ZFHX3: variants seen among roughly 807,000 people sequenced by gnomAD.
The protein encoded by ZFHX3 is zinc finger homeobox protein 3.
A neutral mutation model predicts 279.1 loss-of-function variants in ZFHX3; 42 were observed. That is an observed-to-expected ratio of 0.15 (90% CI 0.12 to 0.19). ZFHX3 has a LOEUF of 0.19. ZFHX3 is among the 10% of genes least tolerant of loss of function. The probability of loss-of-function intolerance (pLI) is 1.00; values close to 1 mark genes in which losing one functional copy is unlikely to be tolerated. For missense variants in ZFHX3, 4,981 were observed against 4,754.0 expected, an observed-to-expected ratio of 1.05 and a Z score of -1.40; for synonymous variants, 2,293 against 1,957.8, an observed-to-expected ratio of 1.17 and a Z score of -4.52.
upstream of ZFHX3, among the ~76,000 whole-genome samples, chr16:73,049,516 TG>T (rs1207266385): frequency 1.3e-5 from 2 of 152,254 alleles, no homozygotes; most frequent in Admixed American, 1.3e-4. Context: ...TTCAGATTAA[TG>T]TAAGTATCTA....
At chr16:73,563,250 T>G (rs1434714573) in intron 2 of ZFHX3, among the ~76,000 whole-genome samples, 14 of 150,726 alleles carry the variant, frequency 9.3e-5, no homozygotes, top group East Asian at 2.0e-4. Flanking sequence ...TTTTGTTTTT[T>G]TTTTTGAGAG....
At position 72,926,663 on chromosome 16, in the gene ZFHX3, A is replaced by G. The variant is rs149472465; in HGVS notation, c.3216+23806T>C. On this transcript the variant is annotated intron_variant, in intron 3 of 9. Transcript: ENST00000268489. ...TAGGTCCCGACCACCCATGGGCATC[A>G]AAGATCCCATGACATTTCTGTAAAT... 6.7e-3 allele frequency among the ~76,000 whole-genome samples: 1,024 copies of G among 152,336 alleles called. 9 individuals are homozygous for G. Among genetic ancestry groups the G allele is most frequent in the African/African-American group, 0.02 (827 of 41,574 alleles).
intron 3 of ZFHX3, among the ~76,000 whole-genome samples, chr16:73,357,691 C>T (rs1173554714): frequency 6.6e-6 from 1 of 152,156 alleles, no homozygotes; most frequent in Non-Finnish European, 1.5e-5. Context: ...TCAGGCTGTA[C>T]CTGGCAGGAA....
chr16:73,866,266 G>A (rs1002207303), intron 1 of ZFHX3, among the ~76,000 whole-genome samples: 80 of 135,682 alleles, frequency 5.9e-4, no homozygotes, highest in African/African-American at 1.8e-3. Context: ...TGCAACCTCC[G>A]TCTCCCAGGT....
chr16:72,803,184 T>G (rs1213872019), intron 7 of ZFHX3, among the ~76,000 whole-genome samples: 1 of 152,002 alleles, frequency 6.6e-6, no homozygotes, highest in Non-Finnish European at 1.5e-5. Flanking sequence ...ATACAAAAAT[T>G]AGCCAGGCGT....
chr16:73,135,002 T>G (rs756988070), intron 6 of ZFHX3, among the ~76,000 whole-genome samples: 39 of 152,178 alleles, frequency 2.6e-4, no homozygotes, highest in Non-Finnish European at 4.9e-4. Context: ...GTATCTTTGT[T>G]GCAAACCACT....
At chr16:73,052,558 C>T (rs1317426038), upstream of ZFHX3, among the ~76,000 whole-genome samples, 1 of 152,174 alleles carries the variant, frequency 6.6e-6, no homozygotes, top group African/African-American at 2.4e-5. Flanking sequence ...GAAAAATTCA[C>T]ATATCCTCCA....
chr16:73,487,300 C>T, intron 2 of ZFHX3: 1 of 323,596 alleles, frequency 3.1e-6, no homozygotes, highest in Non-Finnish European at 6.1e-6. Flanking sequence ...GGGTGTGGCG[C>T]TGTAGGGTGC....
intron 3 of ZFHX3, among the ~76,000 whole-genome samples, chr16:72,895,341 T>A (rs1453360707): frequency 6.6e-6 from 1 of 152,160 alleles, no homozygotes; most frequent in Admixed American, 6.5e-5. Context: ...GAAAATCCAG[T>A]ATCTCCCCAC....
chr16:73,019,343 C>CGT (rs112184906), intron 1 of ZFHX3, among the ~76,000 whole-genome samples: 24,716 of 149,984 alleles, frequency 0.16, 2,472 homozygotes, highest in Non-Finnish European at 0.23. Context: ...TGTGTCTGTG[C>CGT]GTGTGTGTGT....
intron 3 of ZFHX3, among the ~76,000 whole-genome samples, chr16:72,947,356 C>A (rs1165793782): frequency 6.6e-6 from 1 of 152,246 alleles, no homozygotes; most frequent in African/African-American, 2.4e-5. Context: ...TAGATTAGCA[C>A]AACCCTCTCT....
chr16:73,523,080 A>C (rs562407199), intron 2 of ZFHX3, among the ~76,000 whole-genome samples: 2 of 152,348 alleles, frequency 1.3e-5, no homozygotes, highest in East Asian at 3.9e-4. Context: ...GTAGGGACAC[A>C]GCCAAACCAT....
intron 1 of ZFHX3, among the ~76,000 whole-genome samples, chr16:73,735,477 T>C (rs1351337246): frequency 1.3e-5 from 2 of 151,602 alleles, no homozygotes; most frequent in African/African-American, 4.8e-5. Context: ...CTACTCTAGG[T>C]ATCTCAAATA....
intron 7 of ZFHX3, among the ~76,000 whole-genome samples, chr16:73,125,763 ATACT>A (rs1966558388): frequency 6.6e-6 from 1 of 151,850 alleles, no homozygotes; most frequent in African/African-American, 2.4e-5. Flanking sequence ...GTGTGAGTTA[ATACT>A]TAATAAACTC....
chr16:73,601,063 T>A (rs1236582702), intron 2 of ZFHX3, among the ~76,000 whole-genome samples: 1 of 152,064 alleles, frequency 6.6e-6, no homozygotes, highest in Admixed American at 6.5e-5. Flanking sequence ...ATTTCCAGTC[T>A]GGCTTTGAAG....
rs907955130 is a variant in ZFHX3 at position 73,363,385 on chromosome 16, C to G, written c.-1290-45049G>C. Among the ~76,000 whole-genome samples the G allele has an allele frequency of 2.0e-5, 3 of 152,206 alleles. No individual in the cohort carries two copies. The Middle Eastern group carries it at 0.01, about 518-fold the overall frequency. Reference sequence around the variant, plus strand: ...TCCAAATTCTATTGACTTGTTTAGCCGACATCATTTCAATACTGCGATCTA... The same window carrying G: ...TCCAAATTCTATTGACTTGTTTAGCGGACATCATTTCAATACTGCGATCTA... On this transcript the variant is annotated intron_variant, in intron 3 of 17. Coordinates refer to the ZFHX3 transcript ENST00000641206.
chr16:73,105,144 G>A (rs758349469), intron 7 of ZFHX3, among the ~76,000 whole-genome samples: 4 of 151,740 alleles, frequency 2.6e-5, no homozygotes, highest in South Asian at 2.1e-4. Context: ...GGTGGCTCAC[G>A]TTTGTAATCC....
rs2017641603 is a variant in ZFHX3 at position 73,418,407 on chromosome 16, AGAAGTGGGTACCCAGG to A, written c.-1291+37580_-1291+37595del. ...AGTCCCCCTGTCACGGGAAAGGATG[AGAAGTGGGTACCCAGG>A]GAAGGAGTGGTGGGGGGAAGAGGAC... On this transcript the variant is annotated intron_variant, in intron 3 of 17. Transcript: ENST00000641206. Among the ~76,000 whole-genome samples the A allele has an allele frequency of 2.0e-5, 3 of 152,236 alleles. No individual in the cohort carries two copies. The South Asian group carries it at 6.2e-4, about 31-fold the overall frequency.
intron 4 of ZFHX3, among the ~76,000 whole-genome samples, chr16:73,268,755 T>G (rs2014056291): frequency 6.6e-6 from 1 of 152,170 alleles, no homozygotes; most frequent in Non-Finnish European, 1.5e-5. Flanking sequence ...CATTCTCTCC[T>G]TGGTCAGGGA....
Sources: allele counts gnomAD v4.1 joint callset (sites outside exome capture counted in the v4.1 genomes callset), GRCh38; gene constraint gnomAD v4.1.1; transcripts MANE v1.5; gene names NCBI Gene and HGNC (gene_info 2026-07-23, HGNC 2026-07-21).